CDC42BPA: variants seen among roughly 807,000 people sequenced by gnomAD.
The protein encoded by CDC42BPA is serine/threonine-protein kinase MRCK alpha.
CDC42BPA carries 80 observed loss-of-function variants against 223.5 expected under a neutral mutation model. The ratio of observed to expected loss-of-function variants is 0.36; its 90% CI spans 0.30 to 0.43. CDC42BPA has a LOEUF of 0.43. CDC42BPA is among the 20% of genes least tolerant of loss of function. CDC42BPA has a pLI of 1.00. For synonymous variants in CDC42BPA, 694 were observed against 718.6 expected (o/e 0.97, Z 0.55); for missense variants, 1,743 against 2,099.9 (o/e 0.83, Z 3.32).
intron 4 of CDC42BPA, among the ~76,000 whole-genome samples, chr1:227,195,781 A>C (rs558072457): frequency 1.3e-5 from 2 of 152,162 alleles, no homozygotes; most frequent in Non-Finnish European, 2.9e-5. Context: ...CTACTTTTAA[A>C]ATATTACCCA....
chr1:227,101,328 T>G, intron 14 of CDC42BPA, 89 bp from the exon 15 acceptor site: 1 of 744,622 alleles, frequency 1.3e-6, no homozygotes. Context: ...TGAGTATTCA[T>G]ATAACTGCAT....
At chr1:227,165,077 T>C (rs1322437863) in intron 5 of CDC42BPA, among the ~76,000 whole-genome samples, 4 of 152,174 alleles carry the variant, frequency 2.6e-5, no homozygotes, top group Non-Finnish European at 5.9e-5. Context: ...AATGCAATAC[T>C]ATGCACTATA....
At chr1:227,266,828 G>A (rs949443892) in intron 1 of CDC42BPA, among the ~76,000 whole-genome samples, 7 of 152,150 alleles carry the variant, frequency 4.6e-5, no homozygotes, top group African/African-American at 1.7e-4. Context: ...TTTAAATGAG[G>A]AAACAAAATA....
intron 5 of CDC42BPA, among the ~76,000 whole-genome samples, chr1:227,166,543 T>C (rs1198292040): frequency 1.3e-5 from 2 of 152,212 alleles, no homozygotes; most frequent in East Asian, 1.9e-4. Flanking sequence ...ACCAAGACTA[T>C]AGCTTGGCCT....
chr1:227,041,339 C>A lies in CDC42BPA; in HGVS notation c.3094-1103G>T, dbSNP rs571124530. 1.4e-4 allele frequency among the ~76,000 whole-genome samples: 21 copies of A among 152,144 alleles called. 1 individual carries two copies. The East Asian group carries it at 4.1e-3, about 29-fold the overall frequency. On this transcript the variant is annotated intron_variant, in intron 23 of 36. Transcript: ENST00000366766. ...AGTAGTCCCCAGAGTCTTTTGTTGC[C>A]ATCTTTATGTCCATGGGTACCCAAT...
chr1:227,103,247 G>A (rs1685349823), intron 14 of CDC42BPA, among the ~76,000 whole-genome samples: 2 of 151,924 alleles, frequency 1.3e-5, no homozygotes, highest in South Asian at 4.1e-4. Flanking sequence ...AATAAATCTA[G>A]TGAAATGTGT....
Position 227,031,428 on chromosome 1 carries a change from C to T in CDC42BPA, c.3645G>A (p.Val1215=), listed in dbSNP as rs1259272629. The T allele has an allele frequency of 6.2e-7, 1 of 1,614,030 alleles. No homozygotes were observed. The highest frequency in any genetic ancestry group is 1.3e-5 in the African/African-American group (1 of 75,022). ...ADTENEKNKW[V]GVLSELHKIL... is the part of the protein sequence containing the mutation. ...TCTTGTGCAATTCACTCAGCACTCC[C>T]ACCCACTTATTCTTCTCATTCTCAG... The change falls in exon 28 of 37, where the codon GTG becomes GTA. Residue 1215 remains valine, a synonymous_variant. Transcript: ENST00000366766.
At chr1:227,007,459 A>G (rs1664324076) in intron 34 of CDC42BPA, among the ~76,000 whole-genome samples, 1 of 152,230 alleles carries the variant, frequency 6.6e-6, no homozygotes, top group African/African-American at 2.4e-5. Flanking sequence ...AAGAGACCAA[A>G]AAAGTCACCT....
chr1:227,269,645 G>A (rs907874244), intron 1 of CDC42BPA, among the ~76,000 whole-genome samples: 1 of 151,860 alleles, frequency 6.6e-6, no homozygotes, highest in South Asian at 2.1e-4. Context: ...TTAACACATA[G>A]AACATACAGA....
intron 32 of CDC42BPA, among the ~76,000 whole-genome samples, chr1:227,019,273 T>C (rs988232845): frequency 3.9e-5 from 6 of 152,198 alleles, no homozygotes; most frequent in African/African-American, 1.2e-4. Flanking sequence ...ACCCATGAGA[T>C]ACAACACCTC....
chr1:227,011,646 A>C (rs1665233735), intron 34 of CDC42BPA, among the ~76,000 whole-genome samples: 1 of 152,312 alleles, frequency 6.6e-6, no homozygotes, highest in South Asian at 2.1e-4. Flanking sequence ...CAAAAAGAAC[A>C]TGTTTGTTTT....
At chr1:227,230,816 C>T (rs63720962) in intron 2 of CDC42BPA, among the ~76,000 whole-genome samples, 7,765 of 53,618 alleles carry the variant, frequency 0.14, 557 homozygotes, top group South Asian at 0.17. Flanking sequence ...TTTTTTCTTT[C>T]TTTCTTTTTT....
At chr1:227,230,174 A>G (rs1677573809) in intron 2 of CDC42BPA, among the ~76,000 whole-genome samples, 1 of 152,230 alleles carries the variant, frequency 6.6e-6, no homozygotes, top group Non-Finnish European at 1.5e-5. Context: ...CAACTGCCTG[A>G]AAGAGAAAGG....
chr1:227,134,015 T>C lies in CDC42BPA; in HGVS notation c.1391-4784A>G, dbSNP rs1657979335. ...AATAAATAAAAAAGAAATTCAACTA[T>C]ACACTTTGTCATTATCAATAACTGC... On this transcript the variant is annotated intron_variant, in intron 10 of 36. Coordinates refer to ENST00000366766, the MANE Select transcript of CDC42BPA (RefSeq NM_001394014.1). 4.0e-5 allele frequency among the ~76,000 whole-genome samples: 5 copies of C among 125,722 alleles called. No homozygotes were observed. In the South Asian group the frequency reaches 1.3e-3, roughly 33 times the overall value. The allele number at this position is 125,722 out of a possible 152,430, so 82.5% of individuals were successfully genotyped here. A position where few individuals can be genotyped will look rare whatever the true frequency, so the allele number is the denominator to read the frequency against.
rs1040187611 is a variant in CDC42BPA, at chr1:226,991,075, T to C, written c.*3193A>G. The stretch of plus-strand genomic sequence containing the variant: ...ATCATTTGACAAGAAGCAAGACTTT[T>C]GTTTTTGGCAAAAAGAATATATATG... On this transcript the variant is annotated 3_prime_UTR_variant, in exon 37 of 37. Coordinates refer to ENST00000366766, the MANE Select transcript of CDC42BPA (RefSeq NM_001394014.1). The C allele has an allele frequency of 2.6e-5, 4 of 152,642 alleles. No individual in the cohort carries two copies. Among genetic ancestry groups the C allele is most frequent in the African/African-American group, 9.6e-5 (4 of 41,458 alleles). The allele number at this position is 152,642 out of a possible 1,614,324, so 9.5% of individuals were successfully genotyped here.
intron 15 of CDC42BPA, among the ~76,000 whole-genome samples, chr1:227,094,890 T>C (rs1300852831): frequency 3.3e-5 from 5 of 152,172 alleles, no homozygotes. Flanking sequence ...GGACCTATTA[T>C]GTGCAACCTG....
At chr1:227,144,849 T>C (rs1660421385) in intron 8 of CDC42BPA, among the ~76,000 whole-genome samples, 1 of 152,088 alleles carries the variant, frequency 6.6e-6, no homozygotes, top group Admixed American at 6.6e-5. Context: ...GTGGACTATT[T>C]TCCCTATTGA....
At chr1:227,038,182 A>C (rs1670660896) in intron 24 of CDC42BPA, among the ~76,000 whole-genome samples, 1 of 109,894 alleles carries the variant, frequency 9.1e-6, no homozygotes, top group Non-Finnish European at 2.0e-5. Flanking sequence ...AGTCTCGTGA[A>C]ATCTGATGGT....
intron 1 of CDC42BPA, among the ~76,000 whole-genome samples, chr1:227,290,512 C>T (rs1323451862): frequency 1.4e-5 from 2 of 146,706 alleles, no homozygotes; most frequent in African/African-American, 4.9e-5. Flanking sequence ...ACCAGTAACA[C>T]AGATATAATA....
Sources: gnomAD v4.1 joint callset for allele counts (sites outside exome capture counted in the v4.1 genomes callset) on GRCh38, gnomAD v4.1.1 for gene constraint, MANE v1.5 for transcripts, NCBI Gene and HGNC (gene_info 2026-07-23, HGNC 2026-07-21) for gene names.